Variants in EYS observed in about 807,000 individuals in gnomAD.
The protein encoded by EYS is protein eyes shut homolog.
A neutral mutation model predicts 282.1 loss-of-function variants in EYS; 250 were observed. The ratio of observed to expected loss-of-function variants is 0.89; its 90% CI spans 0.80 to 0.98. EYS has a LOEUF of 0.98. Among genes scored for constraint, EYS ranks in the 50% least tolerant of loss-of-function variants. The probability of loss-of-function intolerance (pLI) is 0.00; values close to 1 mark genes in which losing one functional copy is unlikely to be tolerated. For missense variants in EYS, 4,016 were observed against 3,709.0 expected, an observed-to-expected ratio of 1.08 and a Z score of -2.15; for synonymous variants, 1,355 against 1,282.9, an observed-to-expected ratio of 1.06 and a Z score of -1.20.
chr6:64,571,778 G>A (rs1582907471), intron 26 of EYS, among the ~76,000 whole-genome samples: 2 of 152,276 alleles, frequency 1.3e-5, no homozygotes, highest in African/African-American at 2.4e-5. Flanking sequence ...AATTGAGGCA[G>A]TAATTAATAG....
At chr6:65,007,690 T>C (rs1380227936) in intron 13 of EYS, among the ~76,000 whole-genome samples, 3 of 151,848 alleles carry the variant, frequency 2.0e-5, no homozygotes, top group African/African-American at 7.3e-5. Flanking sequence ...CAAAAGGAGA[T>C]AAATAAACAA....
intron 12 of EYS, among the ~76,000 whole-genome samples, chr6:65,177,961 T>C (rs1401980828): frequency 6.6e-6 from 1 of 151,946 alleles, no homozygotes; most frequent in Non-Finnish European, 1.5e-5. Flanking sequence ...GATTTCAGTT[T>C]GTTAGTCCCT....
intron 14 of EYS, among the ~76,000 whole-genome samples, chr6:64,975,291 C>T (rs1770441298): frequency 6.6e-6 from 1 of 151,512 alleles, no homozygotes; most frequent in African/African-American, 2.4e-5. Context: ...AGACAGCTTT[C>T]CTTGTTAAAA....
intron 22 of EYS, among the ~76,000 whole-genome samples, chr6:64,633,419 G>A (rs1767862620): frequency 6.6e-6 from 1 of 151,888 alleles, no homozygotes; most frequent in Non-Finnish European, 1.5e-5. Context: ...AATTTGAAAT[G>A]ATCCATATGC....
At chr6:64,286,203 G>C (rs904732199) in intron 30 of EYS, among the ~76,000 whole-genome samples, 1 of 152,092 alleles carries the variant, frequency 6.6e-6, no homozygotes, top group Non-Finnish European at 1.5e-5. Flanking sequence ...TGAAGACCTG[G>C]AGTAGTGAGG....
intron 22 of EYS, among the ~76,000 whole-genome samples, chr6:64,661,239 A>G: frequency 6.6e-6 from 1 of 152,186 alleles, no homozygotes. Context: ...AATTAATTCA[A>G]GATGGATTAG....
chr6:64,186,785 C>T (rs1764959399), intron 31 of EYS, among the ~76,000 whole-genome samples: 1 of 152,100 alleles, frequency 6.6e-6, no homozygotes, highest in Non-Finnish European at 1.5e-5. Context: ...TCTTTCAGTT[C>T]AGTTGTGGCT....
chr6:65,672,180 T>C (rs1229884637), intron 1 of EYS, among the ~76,000 whole-genome samples: 1 of 152,094 alleles, frequency 6.6e-6, no homozygotes, highest in Non-Finnish European at 1.5e-5. Flanking sequence ...ATAAAAGGTG[T>C]GTCAAATATT....
At chr6:65,112,252 A>G (rs1235340749) in intron 12 of EYS, among the ~76,000 whole-genome samples, 1 of 152,160 alleles carries the variant, frequency 6.6e-6, no homozygotes, top group African/African-American at 2.4e-5. Flanking sequence ...AATCTTTTAA[A>G]TCATTTTTAT....
At chr6:63,898,720 A>C (rs1773594109) in intron 35 of EYS, among the ~76,000 whole-genome samples, 1 of 152,134 alleles carries the variant, frequency 6.6e-6, no homozygotes, top group African/African-American at 2.4e-5. Flanking sequence ...ATTTTAGCTG[A>C]ACTCAAATAT....
At chr6:64,271,189 C>T (rs1470998081) in intron 30 of EYS, among the ~76,000 whole-genome samples, 2 of 152,078 alleles carry the variant, frequency 1.3e-5, no homozygotes, top group East Asian at 3.9e-4. Flanking sequence ...ATATAAGATA[C>T]TGTTACTCTT....
At chr6:64,641,402 G>A (rs1242891231) in intron 22 of EYS, among the ~76,000 whole-genome samples, 1 of 152,120 alleles carries the variant, frequency 6.6e-6, no homozygotes, top group Admixed American at 6.6e-5. Context: ...TGAGATTTGG[G>A]TGTGGACACA....
chr6:63,747,831 C>A (rs1769247497), intron 41 of EYS, among the ~76,000 whole-genome samples: 1 of 152,092 alleles, frequency 6.6e-6, no homozygotes, highest in South Asian at 2.1e-4. Flanking sequence ...TTATTTTGAG[C>A]CTATGTGTGT....
At chr6:63,872,477 G>GTTTC (rs373404815) in intron 35 of EYS, among the ~76,000 whole-genome samples, 1 of 119,398 alleles carries the variant, frequency 8.4e-6, no homozygotes, top group Non-Finnish European at 1.6e-5. Flanking sequence ...CCTAAATATG[G>GTTTC]TTTTTTTTTT....
intron 2 of EYS, among the ~76,000 whole-genome samples, chr6:65,585,566 C>A (rs535144884): frequency 6.6e-6 from 1 of 151,728 alleles, no homozygotes; most frequent in East Asian, 1.9e-4. Flanking sequence ...TAATACAATG[C>A]AATTCAGTAT....
chr6:64,411,241 A>G (rs1773880220), intron 28 of EYS, among the ~76,000 whole-genome samples: 1 of 152,160 alleles, frequency 6.6e-6, no homozygotes, highest in African/African-American at 2.4e-5. Flanking sequence ...GAAGTTAGAG[A>G]GAAAATGATT....
At chr6:64,146,179 G>A (rs75219054) in intron 31 of EYS, among the ~76,000 whole-genome samples, 1 of 152,078 alleles carries the variant, frequency 6.6e-6, no homozygotes, top group East Asian at 1.9e-4. Flanking sequence ...ACAGTCACTT[G>A]TGAATATAAT....
chr6:65,677,394 T>TA (rs1488699666), intron 1 of EYS, among the ~76,000 whole-genome samples: 3 of 151,838 alleles, frequency 2.0e-5, no homozygotes, highest in African/African-American at 7.2e-5. Context: ...AATCAACATA[T>TA]AGAATCAGTT....
At chr6:65,280,095 T>C (rs1768175069) in intron 12 of EYS, among the ~76,000 whole-genome samples, 1 of 152,162 alleles carries the variant, frequency 6.6e-6, no homozygotes, top group Non-Finnish European at 1.5e-5. Context: ...TAGATTTATA[T>C]TATTTCTGCT....
Sources: allele counts gnomAD v4.1 joint callset (sites outside exome capture counted in the v4.1 genomes callset), GRCh38; gene constraint gnomAD v4.1.1; transcripts MANE v1.5; gene names NCBI Gene and HGNC (gene_info 2026-07-23, HGNC 2026-07-21).